Variants in HECW2 observed in about 807,000 individuals in gnomAD.
HECW2 encodes the protein E3 ubiquitin-protein ligase HECW2.
Under a neutral mutation model 175.2 loss-of-function variants are expected in HECW2, and 61 were observed. The ratio of observed to expected loss-of-function variants is 0.35; its 90% CI spans 0.28 to 0.43. HECW2 has a LOEUF of 0.43. HECW2 is among the 20% of genes least tolerant of loss of function. The pLI, the probability that HECW2 is intolerant of heterozygous loss-of-function variation, is 1.00. For synonymous variants in HECW2, 671 were observed against 731.0 expected, an observed-to-expected ratio of 0.92 and a Z score of 1.32; for missense variants, 1,524 against 2,000.5, an observed-to-expected ratio of 0.76 and a Z score of 4.54.
rs371399710 is a variant in HECW2 at position 196,318,453 on chromosome 2, T to C, written c.2338+99A>G. Reference sequence around the variant, plus strand: ...CTCAAGGTGAGGAATTCAGGTCATATGTAACCTGCAGCCTTATTTACATTG... The same window carrying C: ...CTCAAGGTGAGGAATTCAGGTCATACGTAACCTGCAGCCTTATTTACATTG... On this transcript the variant is annotated intron_variant, in intron 9 of 28. Transcript: ENST00000644978. The C allele has an allele frequency of 5.7e-5, 75 of 1,317,948 alleles. No homozygotes were observed. The South Asian group carries it at 1.9e-3, about 33-fold the overall frequency. 81.6% of individuals were successfully genotyped at this position (1,317,948 alleles called of 1,614,324 possible).
intron 12 of HECW2, among the ~76,000 whole-genome samples, 161 bp downstream of exon 12, chr2:196,306,969 A>G (rs564242639): frequency 6.6e-6 from 1 of 152,326 alleles, no homozygotes; most frequent in Admixed American, 6.5e-5. Flanking sequence ...AACATTGAGG[A>G]TTAGAAGAGG....
intron 2 of HECW2, among the ~76,000 whole-genome samples, chr2:196,424,009 C>A (rs1200863512): frequency 6.6e-6 from 1 of 152,004 alleles, no homozygotes; most frequent in African/African-American, 2.4e-5. Context: ...GGAAACCCCA[C>A]ATTGAGCAAG....
chr2:196,560,721 T>A (rs1689970380), intron 1 of HECW2, among the ~76,000 whole-genome samples: 1 of 152,184 alleles, frequency 6.6e-6, no homozygotes, highest in Admixed American at 6.5e-5. Flanking sequence ...AAAAAGTCCA[T>A]ACTGTTGCGG....
chr2:196,399,811 T>G (rs939808838), intron 2 of HECW2, among the ~76,000 whole-genome samples: 1 of 152,232 alleles, frequency 6.6e-6, no homozygotes, highest in African/African-American at 2.4e-5. Context: ...AGTATTAACG[T>G]ATCTTTGAAC....
intron 1 of HECW2, among the ~76,000 whole-genome samples, chr2:196,546,998 T>G (rs913863759): frequency 2.6e-5 from 4 of 152,144 alleles, no homozygotes; most frequent in Non-Finnish European, 5.9e-5. Flanking sequence ...TGACAGCCAC[T>G]GTTATGTGAC....
chr2:196,388,141 A>T (rs1534538), intron 2 of HECW2, among the ~76,000 whole-genome samples: 148,340 of 151,784 alleles, frequency 0.98, 72,564 homozygotes, highest in Non-Finnish European at 1. Context: ...AAAAAAAAAA[A>T]TTTTTAATTA....
At chr2:196,472,060 T>C (rs932832748) in intron 1 of HECW2, among the ~76,000 whole-genome samples, 1 of 151,712 alleles carries the variant, frequency 6.6e-6, no homozygotes, top group Non-Finnish European at 1.5e-5. Flanking sequence ...TCTCAAACTT[T>C]AGAGAATGCA....
At chr2:196,580,782 C>A (rs374184719) in intron 1 of HECW2, among the ~76,000 whole-genome samples, 7 of 152,002 alleles carry the variant, frequency 4.6e-5, no homozygotes, top group African/African-American at 1.7e-4. Flanking sequence ...ATATGGCCCA[C>A]AATTTTACTC....
intron 2 of HECW2, among the ~76,000 whole-genome samples, chr2:196,347,865 T>G (rs1039411121): frequency 1.3e-5 from 2 of 152,284 alleles, no homozygotes; most frequent in Admixed American, 1.3e-4. Flanking sequence ...TCTTGATAAT[T>G]CATTATCCTT....
intron 1 of HECW2, among the ~76,000 whole-genome samples, chr2:196,505,134 G>A (rs1179609587): frequency 6.6e-6 from 1 of 152,098 alleles, no homozygotes; most frequent in African/African-American, 2.4e-5. Flanking sequence ...GTTCACAATA[G>A]TAATGATAAA....
At chr2:196,241,366 C>T (rs2105881713) in intron 20 of HECW2, among the ~76,000 whole-genome samples, 1 of 152,232 alleles carries the variant, frequency 6.6e-6, no homozygotes, top group Admixed American at 6.5e-5. Flanking sequence ...AGCAAGCCTT[C>T]CTGCAGGTGG....
chr2:196,367,450 T>G (rs1345395422), intron 2 of HECW2, among the ~76,000 whole-genome samples: 2 of 152,214 alleles, frequency 1.3e-5, no homozygotes, highest in Non-Finnish European at 2.9e-5. Context: ...GTAAATGAAG[T>G]ATTCATCACC....
chr2:196,247,206 G>A (rs532110216), intron 19 of HECW2, among the ~76,000 whole-genome samples: 5 of 152,112 alleles, frequency 3.3e-5, no homozygotes, highest in Non-Finnish European at 7.4e-5. Flanking sequence ...AGCCGACATC[G>A]CACCACTGCA....
intron 3 of HECW2, among the ~76,000 whole-genome samples, chr2:196,340,453 C>T (rs1023312456): frequency 2.1e-4 from 32 of 151,872 alleles, no homozygotes; most frequent in African/African-American, 6.5e-4. Context: ...AAAAATTAGC[C>T]GGGCATGGTG....
chr2:196,475,010 C>T (rs540580167), intron 1 of HECW2, among the ~76,000 whole-genome samples: 1 of 152,228 alleles, frequency 6.6e-6, no homozygotes, highest in East Asian at 1.9e-4. Context: ...CACAGTTTAA[C>T]GAATTTCTCT....
chr2:196,531,413 T>C (rs1688834042), intron 1 of HECW2, among the ~76,000 whole-genome samples: 1 of 152,180 alleles, frequency 6.6e-6, no homozygotes, highest in African/African-American at 2.4e-5. Context: ...ATCCCAACAC[T>C]TTGGGAGGCT....
chr2:196,332,062 CA>C (rs1220863340), intron 4 of HECW2, among the ~76,000 whole-genome samples: 3 of 152,048 alleles, frequency 2.0e-5, no homozygotes, highest in Admixed American at 6.6e-5. Flanking sequence ...TGATGAATGA[CA>C]ATGAAAACAA....
intron 1 of HECW2, among the ~76,000 whole-genome samples, chr2:196,507,444 T>A (rs1357606997): frequency 1.3e-5 from 2 of 152,220 alleles, no homozygotes; most frequent in Non-Finnish European, 2.9e-5. Context: ...TGTCTAGAGA[T>A]ATTTCTGATG....
intron 14 of HECW2, chr2:196,290,000 T>C (rs1449355888): frequency 6.6e-6 from 1 of 152,230 alleles, no homozygotes; most frequent in Non-Finnish European, 1.5e-5. Context: ...TCTTAATGCA[T>C]GACAGAGAGA....
Sources: allele counts gnomAD v4.1 joint callset (sites outside exome capture counted in the v4.1 genomes callset), GRCh38; gene constraint gnomAD v4.1.1; transcripts MANE v1.5; gene names NCBI Gene and HGNC (gene_info 2026-07-23, HGNC 2026-07-21).